The following TECTA variants were observed in gnomAD, a reference collection of about 807,000 sequenced individuals.
TECTA encodes tectorin alpha.
A neutral mutation model predicts 216.8 loss-of-function variants in TECTA; 128 were observed. The observed-to-expected ratio is 0.59, with a 90% confidence interval of 0.51 to 0.68. TECTA has a LOEUF of 0.68. Ranked by LOEUF, TECTA falls within the 30% of genes least tolerant of loss-of-function variation. The pLI, the probability that TECTA is intolerant of heterozygous loss-of-function variation, is 0.00. For synonymous variants in TECTA, 1,089 were observed against 1,117.1 expected (o/e 0.97, Z 0.50); for missense variants, 2,551 against 2,786.2 (o/e 0.92, Z 1.90).
chr11:121,150,621 C>T (rs1322817944), intron 12 of TECTA, among the ~76,000 whole-genome samples: 1 of 149,726 alleles, frequency 6.7e-6, no homozygotes, highest in Non-Finnish European at 1.5e-5. Context: ...ACACATATGA[C>T]ATACCACAAA....
At chr11:121,114,578 TACCC>T (rs1184766856) in intron 6 of TECTA, among the ~76,000 whole-genome samples, 4 of 114,530 alleles carry the variant, frequency 3.5e-5, no homozygotes, top group Non-Finnish European at 7.0e-5. Context: ...TCTATCCAGC[TACCC>T]ACCCACCCAC....
intron 3 of TECTA, among the ~76,000 whole-genome samples, chr11:121,108,428 A>G (rs1280320105): frequency 1.3e-5 from 2 of 149,970 alleles, no homozygotes; most frequent in African/African-American, 4.9e-5. Flanking sequence ...AAACATATAC[A>G]TCCCACCTCA....
chr11:121,157,919 C>A lies in TECTA; in HGVS notation c.4384C>A (p.Arg1462Ser). 2 of 1,614,174 alleles carry A rather than the reference C, an allele frequency of 1.2e-6. No individual in the cohort carries two copies. The highest frequency in any genetic ancestry group is 1.1e-5 in the South Asian group (1 of 91,086). Residue 1462 changes from arginine (R) to serine (S), a missense_variant, in exon 14 of 24, where the codon CGC (arginine) becomes AGC (serine). Physicochemically the swap from Arg to Ser is moderately radical, Grantham distance 110. Transcript: ENST00000392793. The stretch of plus-strand genomic sequence containing the variant: ...TCGCAACGTGATTCAGTGCGACCCG[C>A]GCCAATGCAAGTCAGACGAGGAGTG... ...FRRNVIQCDP[R>S]QCKSDEECAL...
At position 121,158,014 on chromosome 11, in the gene TECTA, C is replaced by T; in HGVS notation, c.4479C>T (p.Gly1493=). The T allele has an allele frequency of 1.2e-6, 2 of 1,612,722 alleles. No individual in the cohort carries two copies. The highest frequency in any genetic ancestry group is 1.7e-6 in the Non-Finnish European group (2 of 1,179,940). The change falls in exon 14 of 24, where the codon GGC becomes GGT. Residue 1493 remains glycine, a synonymous_variant. Coordinates refer to ENST00000392793, the MANE Select transcript of TECTA (RefSeq NM_005422.4). Reference sequence around the variant, plus strand: ...CCTACTGCCTGGCGGCCGGCGGCGGCGTCTTCCGCACCTTCGACGGCGCCT... The same window carrying T: ...CCTACTGCCTGGCGGCCGGCGGCGGTGTCTTCCGCACCTTCGACGGCGCCT... ...KTSYCLAAGG[G]VFRTFDGAFL...
chr11:121,162,708 C>G, intron 16 of TECTA, among the ~76,000 whole-genome samples: 1 of 152,204 alleles, frequency 6.6e-6, no homozygotes, highest in East Asian at 1.9e-4. Flanking sequence ...CCAAACTCAG[C>G]TCCACCTTGG....
At chr11:121,151,356 T>A (rs1946887896) in intron 12 of TECTA, among the ~76,000 whole-genome samples, 1 of 152,220 alleles carries the variant, frequency 6.6e-6, no homozygotes, top group African/African-American at 2.4e-5. Context: ...TACAGGGATG[T>A]TCACTGCAGC....
Position 121,191,229 on chromosome 11 carries a change from T to G in TECTA, c.*423T>G, listed in dbSNP as rs1488083583. On this transcript the variant is annotated 3_prime_UTR_variant, in exon 24 of 24. Coordinates refer to ENST00000392793, the MANE Select transcript of TECTA (RefSeq NM_005422.4). Reference sequence around the variant, plus strand: ...GATTTTGAAGTGATGACTGGAAGGTTTGACTCCCTCTAAGGAATCTTGCTG... The same window carrying G: ...GATTTTGAAGTGATGACTGGAAGGTGTGACTCCCTCTAAGGAATCTTGCTG... 2 of 287,862 alleles carry G rather than the reference T, an allele frequency of 6.9e-6. No homozygotes were observed. The highest frequency in any genetic ancestry group is 6.6e-6 in the Non-Finnish European group (1 of 150,732). 17.8% of individuals were successfully genotyped at this position (287,862 alleles called of 1,614,324 possible).
rs1433568183 is a variant in TECTA at position 121,127,420 on chromosome 11, G to T, written c.1775-332G>T. 6.6e-6 allele frequency among the ~76,000 whole-genome samples: 1 copy of T among 152,102 alleles called. No homozygotes were observed. The highest frequency in any genetic ancestry group is 2.4e-5 in the African/African-American group (1 of 41,408). On this transcript the variant is annotated intron_variant, in intron 8 of 23. Transcript: ENST00000392793. This position sits in a 1 kb window ranked among gnomAD's most constrained non-coding sequence, Gnocchi z 5.0. ...CAATTTATATGTCCATCAGTGGAAG[G>T]TCTTAAAATATCTCGGTAGTGTGGA...
intron 20 of TECTA, among the ~76,000 whole-genome samples, chr11:121,176,693 C>G (rs1312670514): frequency 6.7e-6 from 1 of 150,258 alleles, no homozygotes; most frequent in South Asian, 2.1e-4. Context: ...GTGGCGTTCT[C>G]TGTATTTCCT....
intron 7 of TECTA, among the ~76,000 whole-genome samples, chr11:121,122,814 C>T (rs943950531): frequency 5.9e-5 from 9 of 151,528 alleles, no homozygotes; most frequent in South Asian, 2.1e-4. Context: ...GTTTGTGCCA[C>T]TGCACTCCAG....
rs530293484 is a variant in TECTA at position 121,126,966 on chromosome 11, C to A, written c.1775-786C>A. Among the ~76,000 whole-genome samples, 8 of 152,362 alleles carry A rather than the reference C, an allele frequency of 5.3e-5. No homozygotes were observed. The South Asian group carries it at 1.7e-3, about 32-fold the overall frequency. On this transcript the variant is annotated intron_variant, in intron 8 of 23. Transcript: ENST00000392793. ...AGTGGCACTACTTTCCCATCCTCTACATTTCGCTTTCTTTTCTGGCTCAAT... is the reference window on the plus strand; with the variant it reads ...AGTGGCACTACTTTCCCATCCTCTAAATTTCGCTTTCTTTTCTGGCTCAAT...
At chr11:121,102,339 G>A (rs1030400577) in intron 1 of TECTA, among the ~76,000 whole-genome samples, 1 of 152,188 alleles carries the variant, frequency 6.6e-6, no homozygotes, top group Non-Finnish European at 1.5e-5. Context: ...CTAGTTTTCA[G>A]CGCTTTATTT....
chr11:121,167,937 C>T, intron 18 of TECTA, 117 bp from the exon 19 acceptor site: 1 of 1,172,306 alleles, frequency 8.5e-7, no homozygotes, highest in African/African-American at 1.5e-5. Context: ...TTTATACTGG[C>T]CTCTAAATTA....
Position 121,145,801 on chromosome 11 carries a change from A to G in TECTA, c.3790A>G (p.Asn1264Asp), listed in dbSNP as rs1178555423. The G allele has an allele frequency of 6.2e-7, 1 of 1,614,148 alleles. No homozygotes were observed. Among genetic ancestry groups the G allele is most frequent in the Non-Finnish European group, 8.5e-7 (1 of 1,180,002 alleles). The change falls in exon 12 of 24, where the codon AAT becomes GAT. Residue 1264 changes from asparagine (N) to aspartate (D), a missense_variant. Physicochemically the swap from Asn to Asp is conservative, Grantham distance 23. Coordinates refer to ENST00000392793, the MANE Select transcript of TECTA (RefSeq NM_005422.4). ...CATGGGTCTGCTTGCATCGAGTGTC[A>G]ATGAGTTTGGGCAGAGCTGGGTGAA... ...MPMGLLASSV[N>D]EFGQSWVKRD...
chr11:121,166,888 T>C (rs1288853497), intron 18 of TECTA, 108 bp downstream of exon 18: 4 of 1,319,996 alleles, frequency 3.0e-6, no homozygotes, highest in Admixed American at 3.7e-5. Flanking sequence ...CTTAGAAATA[T>C]GCTCCTTAGA....
chr11:121,143,260 C>T (rs1339892348), intron 11 of TECTA, among the ~76,000 whole-genome samples: 1 of 152,210 alleles, frequency 6.6e-6, no homozygotes, highest in Non-Finnish European at 1.5e-5. Context: ...TCTCCCACCA[C>T]TCCCAAGCCA....
At chr11:121,124,801 T>A (rs189247357) in intron 7 of TECTA, among the ~76,000 whole-genome samples, 19 of 152,270 alleles carry the variant, frequency 1.2e-4, no homozygotes, top group African/African-American at 4.3e-4. Context: ...GAATACTACA[T>A]CAGGACAGCC....
chr11:121,118,413 A>T lies in TECTA; in HGVS notation c.898A>T (p.Ser300Cys). 1 of 1,614,196 alleles carries T rather than the reference A, an allele frequency of 6.2e-7. No homozygotes were observed. The highest frequency in any genetic ancestry group is 8.5e-7 in the Non-Finnish European group (1 of 1,180,046). Residue 300 changes from serine (S) to cysteine (C), a missense_variant, in exon 7 of 24, where the codon AGC (serine) becomes TGC (cysteine). Around this residue, in one of 3 missense-constraint regions of TECTA, gnomAD observed 2,375 missense variants for 2,563.9 expected, o/e 0.93. Coordinates refer to ENST00000392793, the MANE Select transcript of TECTA (RefSeq NM_005422.4). ...NEIYCQEASC[S>C]PYEVCEPKGK... ...GATCTACTGCCAGGAGGCTTCCTGT[A>T]GCCCCTACGAGGTGTGCGAACCCAA...
At chr11:121,107,643 G>A (rs1308624583) in intron 3 of TECTA, among the ~76,000 whole-genome samples, 1 of 152,166 alleles carries the variant, frequency 6.6e-6, no homozygotes. Context: ...TCCCATTACA[G>A]GTACCTCTGC....
Sources: gnomAD v4.1 joint callset for allele counts (sites outside exome capture counted in the v4.1 genomes callset) on GRCh38, gnomAD v4.1.1 for gene constraint, gnomAD v4.1.1 regional missense constraint, Gnocchi (gnomAD v3.1) non-coding constraint, MANE v1.5 for transcripts, NCBI Gene and HGNC (gene_info 2026-07-23, HGNC 2026-07-21) for gene names.